TECPR2: variants seen among roughly 807,000 people sequenced by gnomAD.
The protein encoded by TECPR2 is tectonin beta-propeller repeat-containing protein 2.
Under a neutral mutation model 138.1 loss-of-function variants are expected in TECPR2, and 65 were observed. That is an observed-to-expected ratio of 0.47 (90% CI 0.39 to 0.58). TECPR2 has a LOEUF of 0.58. TECPR2 is among the 20% of genes least tolerant of loss of function. The pLI is 0.00. For missense variants in TECPR2, 1,553 were observed against 1,824.5 expected, an observed-to-expected ratio of 0.85 and a Z score of 2.71; for synonymous variants, 746 against 749.8, an observed-to-expected ratio of 0.99 and a Z score of 0.08.
Position 102,376,888 on chromosome 14 carries a change from T to C in TECPR2, c.167T>C (p.Met56Thr), listed in dbSNP as rs755600315. 15 of 1,614,152 alleles carry C rather than the reference T, an allele frequency of 9.3e-6. No individual in the cohort carries two copies. The highest frequency in any genetic ancestry group is 1.3e-5 in the Non-Finnish European group (15 of 1,180,026). The change falls in exon 2 of 20, where the codon ATG becomes ACG. Residue 56 changes from methionine to threonine, a missense_variant. Physicochemically the swap from Met to Thr is moderately conservative, Grantham distance 81. Transcript: ENST00000359520. ...DYIAVGSSIG[M>T]LYLYCRHLNQ... is the part of the protein sequence containing the mutation. ...ATCGCGGTGGGCAGCAGCATCGGCA[T>C]GCTCTATCTGTACTGCCGGCACCTC...
At chr14:102,437,034 C>T in intron 9 of TECPR2, 2 of 985,440 alleles carry the variant, frequency 2.0e-6, no homozygotes, top group Non-Finnish European at 2.4e-6. Context: ...CTCCAGGTAG[C>T]TGGGAAGCCA....
chr14:102,423,000 C>T (rs1889225284), intron 5 of TECPR2, among the ~76,000 whole-genome samples: 1 of 152,162 alleles, frequency 6.6e-6, no homozygotes, highest in Non-Finnish European at 1.5e-5. Context: ...TTTAGATAGA[C>T]AAACAGTCAT....
At chr14:102,461,159 A>G (rs555928248) in intron 16 of TECPR2, among the ~76,000 whole-genome samples, 5 of 152,370 alleles carry the variant, frequency 3.3e-5, no homozygotes, top group South Asian at 2.1e-4. Flanking sequence ...GTGATTTATT[A>G]TAATCCTAGT....
chr14:102,407,066 G>T (rs1446044094), intron 2 of TECPR2, among the ~76,000 whole-genome samples: 1 of 152,046 alleles, frequency 6.6e-6, no homozygotes, highest in Admixed American at 6.6e-5. Flanking sequence ...CGCCATGTTG[G>T]CCAGGCTGGT....
chr14:102,387,222 A>G (rs145444835), intron 2 of TECPR2, among the ~76,000 whole-genome samples: 3 of 152,358 alleles, frequency 2.0e-5, no homozygotes, highest in African/African-American at 7.2e-5. Flanking sequence ...ATAGCCTTGC[A>G]TGTGTTTTCA....
chr14:102,438,046 T>C lies in TECPR2; in HGVS notation c.2419T>C (p.Ser807Pro). 6.2e-7 allele frequency: 1 copy of C among 1,614,108 alleles called. No individual in the cohort carries two copies. The highest frequency in any genetic ancestry group is 8.5e-7 in the Non-Finnish European group (1 of 1,179,998). The part of the protein sequence containing the change: ...DQFAESWMGY[S>P]GPGYGILSLV... ...GTTTGCAGAAAGCTGGATGGGCTACTCGGGTCCCGGCTATGGCATCCTCAG... is the reference window on the plus strand; with the variant it reads ...GTTTGCAGAAAGCTGGATGGGCTACCCGGGTCCCGGCTATGGCATCCTCAG... Residue 807 changes from serine to proline, a missense_variant, in exon 10 of 20, where the codon TCG becomes CCG. Coordinates refer to ENST00000359520, the MANE Select transcript of TECPR2 (RefSeq NM_014844.5).
chr14:102,445,890 G>C lies in TECPR2; in HGVS notation c.3018G>C (p.Trp1006Cys). Residue 1006 changes from tryptophan (W) to cysteine (C), a missense_variant, in exon 13 of 20, where the codon TGG becomes TGC. By Grantham distance (215) the Trp-to-Cys change is radical. Coordinates refer to ENST00000359520, the MANE Select transcript of TECPR2 (RefSeq NM_014844.5). ...CCCTGGACATCCATGGGAACCTGTG[G>C]TTCAGAACTGGCATTATTTCCAAGA... is the stretch of plus-strand genomic sequence containing the variant. ...LWALDIHGNL[W>C]FRTGIISKKP... The C allele has an allele frequency of 6.2e-7, 1 of 1,613,962 alleles. No homozygotes were observed. The highest frequency in any genetic ancestry group is 8.5e-7 in the Non-Finnish European group (1 of 1,180,010).
rs1888996088 is a variant in TECPR2, at chr14:102,415,352, A to G, written c.638+559A>G. Among the ~76,000 whole-genome samples the G allele has an allele frequency of 6.6e-6, 1 of 152,200 alleles. No individual in the cohort carries two copies. The highest frequency in any genetic ancestry group is 2.4e-5 in the African/African-American group (1 of 41,464). ...TTTAGACACACTTTTGTCCAGGTGA[A>G]GGGTCAGGGAAGACATCCTGAAGGC... On this transcript the variant is annotated intron_variant, in intron 5 of 19. Coordinates refer to ENST00000359520, the MANE Select transcript of TECPR2 (RefSeq NM_014844.5). The surrounding 1 kb of genome is among the most constrained non-coding windows in gnomAD (Gnocchi z 4.3).
intron 2 of TECPR2, among the ~76,000 whole-genome samples, chr14:102,403,383 A>T (rs1888550029): frequency 6.6e-6 from 1 of 152,236 alleles, no homozygotes; most frequent in Admixed American, 6.5e-5. Context: ...CTACCCCAAC[A>T]TAATAAAAGC....
chr14:102,443,904 A>G lies in TECPR2; in HGVS notation c.2933+77A>G, dbSNP rs1400650215. The G allele has an allele frequency of 1.4e-5, 19 of 1,383,556 alleles. No individual in the cohort carries two copies. The highest frequency in any genetic ancestry group is 1.4e-5 in the Non-Finnish European group (15 of 1,043,738). 85.7% of individuals were successfully genotyped at this position (1,383,556 alleles called of 1,614,324 possible). On this transcript the variant is annotated intron_variant, in intron 12 of 19. Transcript: ENST00000359520. This position sits in a 1 kb window ranked among gnomAD's most constrained non-coding sequence, Gnocchi z 4.9. Reference sequence around the variant, plus strand: ...TCTTGTCCACTTGACACCACAAGGCACCATGAGGCCGTTCCTGGGAGGCAG... The same window carrying G: ...TCTTGTCCACTTGACACCACAAGGCGCCATGAGGCCGTTCCTGGGAGGCAG...
At position 102,378,053 on chromosome 14, in the gene TECPR2, T is replaced by C. The variant is rs937871598; in HGVS notation, c.219+1113T>C. 6.1e-4 allele frequency among the ~76,000 whole-genome samples: 93 copies of C among 152,358 alleles called. 1 individual carries two copies. The highest frequency in any genetic ancestry group is 5.0e-3 in the Admixed American group (76 of 15,300). ...ACTGTGTTGTGGCTGGCACCAACTA[T>C]TGGTGAACTGTAATGTAATTCACCC... On this transcript the variant is annotated intron_variant, in intron 2 of 19. Transcript: ENST00000359520.
chr14:102,386,960 TGA>T (rs1006564836), intron 2 of TECPR2, among the ~76,000 whole-genome samples: 1 of 152,164 alleles, frequency 6.6e-6, no homozygotes, highest in Admixed American at 6.5e-5. Context: ...TTACTTCTTG[TGA>T]GAGGAGGTAG....
intron 18 of TECPR2, among the ~76,000 whole-genome samples, 186 bp downstream of exon 18, chr14:102,497,306 C>G (rs889597909): frequency 2.6e-5 from 4 of 152,212 alleles, no homozygotes; most frequent in African/African-American, 9.6e-5. Flanking sequence ...GAACCCAGGC[C>G]GTCCTGCTGG....
At chr14:102,470,185 C>CGA (rs1386562547) in intron 17 of TECPR2, among the ~76,000 whole-genome samples, 11 of 152,128 alleles carry the variant, frequency 7.2e-5, no homozygotes, top group African/African-American at 1.9e-4. Context: ...TTTTACACCC[C>CGA]ATTTGTTAGA....
intron 16 of TECPR2, among the ~76,000 whole-genome samples, chr14:102,460,282 ACT>A (rs1024710832): frequency 5.0e-4 from 76 of 151,952 alleles, no homozygotes; most frequent in African/African-American, 1.7e-3. Context: ...ACAGAATGAG[ACT>A]CTGTCTCAAA....
chr14:102,391,749 A>C (rs1888183161), intron 2 of TECPR2, among the ~76,000 whole-genome samples: 1 of 152,086 alleles, frequency 6.6e-6, no homozygotes, highest in African/African-American at 2.4e-5. Flanking sequence ...ATTACCCACT[A>C]TACATGGGTG....
intron 1 of TECPR2, among the ~76,000 whole-genome samples, chr14:102,369,519 G>T (rs530256623): frequency 6.6e-6 from 1 of 151,956 alleles, no homozygotes; most frequent in Non-Finnish European, 1.5e-5. Flanking sequence ...CGATCCTCCG[G>T]GCTCAATTGA....
At chr14:102,491,484 C>T (rs1348660769) in intron 17 of TECPR2, among the ~76,000 whole-genome samples, 1 of 152,196 alleles carries the variant, frequency 6.6e-6, no homozygotes, top group Admixed American at 6.5e-5. Flanking sequence ...AAAGTGCTGG[C>T]ATTACAGGTA....
At chr14:102,380,462 C>T (rs1597769999) in intron 2 of TECPR2, among the ~76,000 whole-genome samples, 1 of 152,214 alleles carries the variant, frequency 6.6e-6, no homozygotes, top group East Asian at 1.9e-4. Context: ...CCTCAGGAAA[C>T]TTACAGTCAT....
Sources: gnomAD v4.1 joint callset for allele counts (sites outside exome capture counted in the v4.1 genomes callset) on GRCh38, gnomAD v4.1.1 for gene constraint, Gnocchi (gnomAD v3.1) non-coding constraint, MANE v1.5 for transcripts, NCBI Gene and HGNC (gene_info 2026-07-23, HGNC 2026-07-21) for gene names.